The following C19orf47 variants were observed in gnomAD, a reference collection of about 807,000 sequenced individuals.
C19orf47 encodes the protein uncharacterized protein C19orf47.
C19orf47 carries 18 observed loss-of-function variants against 32.3 expected under a neutral mutation model. That is an observed-to-expected ratio of 0.56 (90% CI 0.39 to 0.83). C19orf47 has a LOEUF of 0.83. C19orf47 is among the 40% of genes least tolerant of loss of function. The probability of loss-of-function intolerance (pLI) is 0.00; values close to 1 mark genes in which losing one functional copy is unlikely to be tolerated. For missense variants in C19orf47, 484 were observed against 531.6 expected (o/e 0.91, Z 0.88); for synonymous variants, 202 against 211.1 (o/e 0.96, Z 0.37).
Position 40,321,908 on chromosome 19 carries a change from T to C in C19orf47, c.1132A>G (p.Lys378Glu), listed in dbSNP as rs1272301799. ...MDHAGTVSVF[K>E]RLGRRTF ...TAGAAGGTCCTGCGGCCCAGTCTTT[T>C]GAACACGCTCACAGTGCCCGCGTGG... is the stretch of plus-strand genomic sequence containing the variant. Residue 378 changes from lysine to glutamate, a missense_variant, in exon 9 of 9, where the codon AAA becomes GAA. Physicochemically the swap from Lys to Glu is moderately conservative, Grantham distance 56. Transcript: ENST00000683109. 2.5e-6 allele frequency: 4 copies of C among 1,608,468 alleles called. No homozygotes were observed. Among genetic ancestry groups the C allele is most frequent in the Non-Finnish European group, 2.5e-6 (3 of 1,177,832 alleles).
At chr19:40,311,866 AG>A in the C19orf47 span, among the ~76,000 whole-genome samples, 16 of 152,110 alleles carry the variant, frequency 1.1e-4, no homozygotes, top group African/African-American at 3.9e-4. Flanking sequence ...CATGTTGGCC[AG>A]GCTGGTCTGG....
chr19:40,293,226 T>G, the C19orf47 span, among the ~76,000 whole-genome samples: 2 of 146,012 alleles, frequency 1.4e-5, no homozygotes, highest in South Asian at 4.5e-4. Flanking sequence ...CTGCAACCTC[T>G]GCCTCCCAGG....
chr19:40,337,288 A>AATTGTTATT (rs1555788070), intron 2 of C19orf47, among the ~76,000 whole-genome samples: 1 of 143,224 alleles, frequency 7.0e-6, no homozygotes, highest in Middle Eastern at 3.6e-3. Flanking sequence ...CCATGACAGC[A>AATTGTTATT]ATTATTATTA....
intron 5 of C19orf47, among the ~76,000 whole-genome samples, chr19:40,330,516 G>A (rs2077929330): frequency 6.7e-6 from 1 of 149,926 alleles, no homozygotes; most frequent in African/African-American, 2.5e-5. Context: ...GGGATTACAG[G>A]CGTGAGCCAC....
chr19:40,322,603 G>C (rs1024190263), intron 8 of C19orf47, among the ~76,000 whole-genome samples: 8 of 152,340 alleles, frequency 5.3e-5, no homozygotes, highest in Middle Eastern at 3.4e-3. Flanking sequence ...GCCCTGAGAG[G>C]GGGGACATCT....
At chr19:40,295,044 C>T in the C19orf47 span, among the ~76,000 whole-genome samples, 3 of 152,192 alleles carry the variant, frequency 2.0e-5, no homozygotes, top group Non-Finnish European at 4.4e-5. Context: ...TTTTTTGAGA[C>T]GGAGTCTCGC....
At chr19:40,325,667 T>C (rs2077813735) in intron 7 of C19orf47, among the ~76,000 whole-genome samples, 3 of 152,188 alleles carry the variant, frequency 2.0e-5, no homozygotes, top group South Asian at 4.2e-4. Context: ...AAAAACTGCC[T>C]ATATATGTGT....
At chr19:40,338,671 C>A (rs2078118379) in intron 2 of C19orf47, among the ~76,000 whole-genome samples, 1 of 152,034 alleles carries the variant, frequency 6.6e-6, no homozygotes, top group South Asian at 2.1e-4. Context: ...GCGTGAGCCA[C>A]CGCCCCCGGC....
At chr19:40,303,478 A>G in the C19orf47 span, among the ~76,000 whole-genome samples, 2 of 147,926 alleles carry the variant, frequency 1.4e-5, no homozygotes, top group East Asian at 2.0e-4. Context: ...AGCGGAGATC[A>G]TACCACTGAC....
chr19:40,321,714 C>T lies in C19orf47; in HGVS notation c.*168G>A. Reference sequence around the variant, plus strand: ...GGCCAGCTGCGACGACCATCCCAGGCTAGGAGAAATGGGGTGATCCCCCGA... The same window carrying T: ...GGCCAGCTGCGACGACCATCCCAGGTTAGGAGAAATGGGGTGATCCCCCGA... On this transcript the variant is annotated 3_prime_UTR_variant, in exon 9 of 9. Coordinates refer to ENST00000683109, the MANE Select transcript of C19orf47 (RefSeq NM_001256441.2). The T allele has an allele frequency of 7.0e-7, 1 of 1,425,398 alleles. No homozygotes were observed. The highest frequency in any genetic ancestry group is 9.1e-7 in the Non-Finnish European group (1 of 1,095,364). 88.3% of individuals were successfully genotyped at this position (1,425,398 alleles called of 1,614,324 possible).
chr19:40,317,718 T>TTTTTTTTTTGG (rs1392392079), downstream of C19orf47, among the ~76,000 whole-genome samples: 9 of 147,216 alleles, frequency 6.1e-5, no homozygotes, highest in South Asian at 2.2e-4. Context: ...AAATCCACTG[T>TTTTTTTTTTGG]TTTTTTTTTG....
At chr19:40,348,455 C>G (rs1409025345), upstream of C19orf47, 1 of 1,502,054 alleles carries the variant, frequency 6.7e-7, no homozygotes, top group South Asian at 1.3e-5. Context: ...GCTGAACTGA[C>G]TCGTCCGCGG....
chr19:40,327,262 C>G (rs1357815239), intron 6 of C19orf47, among the ~76,000 whole-genome samples: 1 of 151,924 alleles, frequency 6.6e-6, no homozygotes, highest in Admixed American at 6.6e-5. Flanking sequence ...GATCCGCCCA[C>G]CTCGGCCTCC....
chr19:40,295,840 G>A, the C19orf47 span, among the ~76,000 whole-genome samples: 2 of 152,144 alleles, frequency 1.3e-5, no homozygotes, highest in Non-Finnish European at 2.9e-5. Flanking sequence ...TCTGCCTCCT[G>A]GACTCAAGTG....
downstream of C19orf47, among the ~76,000 whole-genome samples, chr19:40,318,437 T>A (rs1278382497): frequency 2.0e-5 from 3 of 152,104 alleles, no homozygotes; most frequent in Non-Finnish European, 4.4e-5. Flanking sequence ...AAATTACCTA[T>A]ATATGTTTTT....
intron 1 of C19orf47, among the ~76,000 whole-genome samples, chr19:40,346,532 CTT>C (rs1193289452): frequency 2.2e-5 from 3 of 138,246 alleles, no homozygotes; most frequent in East Asian, 2.1e-4. Flanking sequence ...AAAGAGGACC[CTT>C]TTTTTTTTTT....
intron 4 of C19orf47, among the ~76,000 whole-genome samples, chr19:40,334,605 G>C (rs891008935): frequency 8.6e-5 from 13 of 151,898 alleles, no homozygotes; most frequent in African/African-American, 2.9e-4. Flanking sequence ...AAAACTAGCT[G>C]GGCATGGTGG....
chr19:40,336,832 AGG>A (rs1444473196), intron 2 of C19orf47, among the ~76,000 whole-genome samples: 7 of 152,246 alleles, frequency 4.6e-5, no homozygotes, highest in African/African-American at 1.7e-4. Context: ...CTAGGCCCAG[AGG>A]ATGATAGGAT....
chr19:40,312,544 C>CAA, the C19orf47 span, among the ~76,000 whole-genome samples: 1 of 136,502 alleles, frequency 7.3e-6, no homozygotes, highest in Non-Finnish European at 1.6e-5. Flanking sequence ...GACTCCATCT[C>CAA]AAAAAAAAAA....
Sources: allele counts gnomAD v4.1 joint callset (sites outside exome capture counted in the v4.1 genomes callset), GRCh38; gene constraint gnomAD v4.1.1; transcripts MANE v1.5; gene names NCBI Gene and HGNC (gene_info 2026-07-23, HGNC 2026-07-21).